SPIDR: variants seen among roughly 807,000 people sequenced by gnomAD.
The protein encoded by SPIDR is DNA repair-scaffolding protein.
Under a neutral mutation model 104.6 loss-of-function variants are expected in SPIDR, and 93 were observed. The ratio of observed to expected loss-of-function variants is 0.89; its 90% confidence interval spans 0.75 to 1.06. SPIDR has a LOEUF of 1.06. Among genes scored for constraint, SPIDR ranks in the 50% least tolerant of loss-of-function variants. The pLI is 0.00. For synonymous variants in SPIDR, 431 were observed against 416.9 expected, an observed-to-expected ratio of 1.03 and a Z score of -0.41; for missense variants, 1,154 against 1,111.2, an observed-to-expected ratio of 1.04 and a Z score of -0.55.
chr8:47,627,156 C>A (rs1429545465), intron 10 of SPIDR, among the ~76,000 whole-genome samples: 1 of 152,096 alleles, frequency 6.6e-6, no homozygotes, highest in African/African-American at 2.4e-5. Flanking sequence ...CCGAACACCG[C>A]ATGTTCTCAC....
At chr8:47,395,379 T>C (rs1554657692) in intron 5 of SPIDR, among the ~76,000 whole-genome samples, 1 of 152,086 alleles carries the variant, frequency 6.6e-6, no homozygotes, top group African/African-American at 2.4e-5. Context: ...TTTAACCATA[T>C]AATCCTCAGA....
At chr8:47,504,244 C>T (rs545794210) in intron 8 of SPIDR, among the ~76,000 whole-genome samples, 26 of 152,294 alleles carry the variant, frequency 1.7e-4, no homozygotes, top group African/African-American at 5.8e-4. Flanking sequence ...CAGCTTGGTT[C>T]CATTCTCCTC....
At chr8:47,420,967 G>C (rs1399432846) in intron 7 of SPIDR, among the ~76,000 whole-genome samples, 3 of 152,232 alleles carry the variant, frequency 2.0e-5, no homozygotes, top group Non-Finnish European at 4.4e-5. Flanking sequence ...CAGAGTTTCT[G>C]CAAAGATGTC....
chr8:47,575,414 C>T (rs1312475716), intron 8 of SPIDR, among the ~76,000 whole-genome samples: 2 of 151,544 alleles, frequency 1.3e-5, no homozygotes, highest in South Asian at 4.2e-4. Context: ...GAGGCCGAGG[C>T]GGGCGGATCA....
chr8:47,331,987 C>CTT (rs2048793130), intron 5 of SPIDR, among the ~76,000 whole-genome samples: 4 of 27,504 alleles, frequency 1.5e-4, no homozygotes, highest in Non-Finnish European at 2.0e-4. Flanking sequence ...TTTTTTTTTT[C>CTT]TCTTTTTTTT....
intron 5 of SPIDR, among the ~76,000 whole-genome samples, chr8:47,337,428 GC>G: frequency 6.6e-6 from 1 of 152,116 alleles, no homozygotes; most frequent in East Asian, 1.9e-4. Flanking sequence ...ACCACACCTG[GC>G]CTTTATTTGT....
intron 8 of SPIDR, among the ~76,000 whole-genome samples, chr8:47,489,564 A>T (rs963503617): frequency 1.3e-5 from 2 of 152,238 alleles, no homozygotes; most frequent in Non-Finnish European, 2.9e-5. Context: ...AGCCAAAAGA[A>T]CAAAGCTGGA....
chr8:47,622,399 C>T (rs925062175), intron 10 of SPIDR, among the ~76,000 whole-genome samples: 8 of 152,144 alleles, frequency 5.3e-5, no homozygotes, highest in East Asian at 1.9e-4. Flanking sequence ...CTTCTGGCCT[C>T]CTGGCCACAG....
intron 5 of SPIDR, among the ~76,000 whole-genome samples, chr8:47,394,256 G>A (rs887415349): frequency 6.6e-6 from 1 of 152,004 alleles, no homozygotes; most frequent in African/African-American, 2.4e-5. Context: ...TGGCTTTGTT[G>A]CCCTTCTTAT....
intron 5 of SPIDR, among the ~76,000 whole-genome samples, chr8:47,345,270 T>A (rs1210740979): frequency 6.6e-6 from 1 of 152,214 alleles, no homozygotes; most frequent in Non-Finnish European, 1.5e-5. Flanking sequence ...ATCACATGGT[T>A]ATAGATGTGT....
At chr8:47,352,952 G>A (rs998103247) in intron 5 of SPIDR, among the ~76,000 whole-genome samples, 8 of 150,764 alleles carry the variant, frequency 5.3e-5, no homozygotes, top group African/African-American at 9.8e-5. Flanking sequence ...TACTTGGGAG[G>A]CTGAGGCAGG....
intron 10 of SPIDR, among the ~76,000 whole-genome samples, chr8:47,635,901 C>T (rs1295527417): frequency 6.6e-6 from 1 of 152,104 alleles, no homozygotes; most frequent in African/African-American, 2.4e-5. Context: ...GGAGACCCAC[C>T]CACAAAGGTA....
intron 8 of SPIDR, among the ~76,000 whole-genome samples, chr8:47,517,577 T>C (rs2083358593): frequency 6.6e-6 from 1 of 152,196 alleles, no homozygotes; most frequent in Non-Finnish European, 1.5e-5. Flanking sequence ...TCAAATTCAT[T>C]AGGTATCCAA....
intron 5 of SPIDR, among the ~76,000 whole-genome samples, chr8:47,298,978 C>T (rs1554574985): frequency 6.6e-6 from 1 of 152,066 alleles, no homozygotes; most frequent in African/African-American, 2.4e-5. Flanking sequence ...TAGTTTTTTC[C>T]AATTCTGTGC....
intron 6 of SPIDR, among the ~76,000 whole-genome samples, chr8:47,401,902 A>G (rs1209970682): frequency 1.3e-5 from 2 of 152,188 alleles, no homozygotes; most frequent in African/African-American, 2.4e-5. Context: ...TGTACACCCC[A>G]CTGTCAACAT....
chr8:47,596,416 A>G (rs955927734), intron 9 of SPIDR, among the ~76,000 whole-genome samples: 1 of 152,228 alleles, frequency 6.6e-6, no homozygotes, highest in Non-Finnish European at 1.5e-5. Context: ...CTTCTAGGCT[A>G]CAAACCTGCA....
intron 8 of SPIDR, chr8:47,512,209 G>A: frequency 3.0e-6 from 1 of 333,306 alleles, no homozygotes; most frequent in Non-Finnish European, 5.7e-6. Flanking sequence ...CCTTGAGTGG[G>A]ACTTTTGTCT....
At chr8:47,478,733 T>A (rs2076553206) in intron 8 of SPIDR, among the ~76,000 whole-genome samples, 1 of 152,222 alleles carries the variant, frequency 6.6e-6, no homozygotes, top group Non-Finnish European at 1.5e-5. Flanking sequence ...CCCAGTAAAA[T>A]GCTCATAAAG....
chr8:47,666,832 A>G (rs1208502867), intron 10 of SPIDR, among the ~76,000 whole-genome samples: 1 of 152,250 alleles, frequency 6.6e-6, no homozygotes, highest in African/African-American at 2.4e-5. Context: ...AAATCCCTAT[A>G]AAATTTGAAA....
Sources: allele counts gnomAD v4.1 joint callset (sites outside exome capture counted in the v4.1 genomes callset), GRCh38; gene constraint gnomAD v4.1.1; transcripts MANE v1.5; gene names NCBI Gene and HGNC (gene_info 2026-07-23, HGNC 2026-07-21).